CNTN6: variants seen among roughly 807,000 people sequenced by gnomAD.
The protein encoded by CNTN6 is contactin 6.
In CNTN6, 137 loss-of-function variants were observed where a neutral mutation model predicts 122.8. That is an observed-to-expected ratio of 1.12 (90% CI 0.97 to 1.29). The LOEUF (loss-of-function observed/expected upper bound fraction) is 1.29. Ranked by LOEUF, CNTN6 falls within the 50% of genes most tolerant of loss-of-function variation. The pLI is 0.00. For synonymous variants in CNTN6, 570 were observed against 426.0 expected (o/e 1.34, Z -4.16); for missense variants, 1,634 against 1,223.4 (o/e 1.34, Z -5.01).
Position 1,398,750 on chromosome 3 carries a change from T to C in CNTN6, c.2705-2683T>C, listed in dbSNP as rs932400414. On this transcript the variant is annotated intron_variant, in intron 20 of 22. Transcript: ENST00000446702. ...GGGAAAATCCGGCTCTTGGAAGAGA[T>C]TGGATACAAATTCAAGTCTCTCTGA... is the stretch of plus-strand genomic sequence containing the variant. 5.9e-5 allele frequency among the ~76,000 whole-genome samples: 9 copies of C among 152,222 alleles called. No individual in the cohort carries two copies. The East Asian group carries it at 1.5e-3, about 26-fold the overall frequency.
intron 5 of CNTN6, 26 bp downstream of exon 5, chr3:1,278,534 T>C (rs1029214092): frequency 6.6e-7 from 1 of 1,503,766 alleles, no homozygotes; most frequent in Non-Finnish European, 9.2e-7. Context: ...TTGGGTCATA[T>C]CATCAATGCG....
At position 1,108,737 on chromosome 3, in the gene CNTN6, C is replaced by T. The variant is rs545735326; in HGVS notation, c.-83+15617C>T. On this transcript the variant is annotated intron_variant, in intron 1 of 22. Coordinates refer to ENST00000446702, the MANE Select transcript of CNTN6 (RefSeq NM_001289080.2). ...ATAAATAACTGATTTTAGACTTACC[C>T]GTTTAAGTTGAAAAGTACTGTATAT... 3.3e-5 allele frequency among the ~76,000 whole-genome samples: 5 copies of T among 151,932 alleles called. No individual in the cohort carries two copies. The South Asian group carries it at 8.3e-4, about 25-fold the overall frequency.
chr3:1,388,927 C>T (rs543468746), intron 20 of CNTN6, among the ~76,000 whole-genome samples: 2,205 of 138,788 alleles, frequency 0.016, 47 homozygotes, highest in African/African-American at 0.055. Flanking sequence ...AAGACCAAAT[C>T]TACGTCTGAT....
chr3:1,296,960 A>G (rs1188223782), intron 6 of CNTN6, among the ~76,000 whole-genome samples: 2 of 152,004 alleles, frequency 1.3e-5, no homozygotes, highest in African/African-American at 4.8e-5. Context: ...AAAATAGAGC[A>G]GAAGTATTAT....
intron 6 of CNTN6, among the ~76,000 whole-genome samples, chr3:1,297,448 C>T (rs1411997432): frequency 6.6e-6 from 1 of 151,994 alleles, no homozygotes; most frequent in East Asian, 1.9e-4. Flanking sequence ...AAAACAAATT[C>T]GTATAGGTAT....
At chr3:1,099,190 G>A (rs981810550) in intron 1 of CNTN6, among the ~76,000 whole-genome samples, 2 of 152,022 alleles carry the variant, frequency 1.3e-5, no homozygotes, top group South Asian at 2.1e-4. Context: ...AGTGGCTCAC[G>A]CCTGTAATCC....
At chr3:1,290,880 T>G (rs1195625305) in intron 5 of CNTN6, among the ~76,000 whole-genome samples, 1 of 152,206 alleles carries the variant, frequency 6.6e-6, no homozygotes, top group Non-Finnish European at 1.5e-5. Flanking sequence ...TTTAGCTGGC[T>G]TCTTTACTGA....
At chr3:1,332,835 G>C (rs1297631519) in intron 11 of CNTN6, among the ~76,000 whole-genome samples, 2 of 151,972 alleles carry the variant, frequency 1.3e-5, no homozygotes, top group African/African-American at 4.8e-5. Flanking sequence ...GAACCATTAC[G>C]TGGTAGCCAA....
chr3:1,388,596 C>G (rs1428779497), intron 20 of CNTN6, among the ~76,000 whole-genome samples: 1 of 149,546 alleles, frequency 6.7e-6, no homozygotes, highest in Non-Finnish European at 1.5e-5. Flanking sequence ...AAGAAGGCTT[C>G]AGACGATCAA....
intron 12 of CNTN6, among the ~76,000 whole-genome samples, chr3:1,370,442 A>G (rs1026165714): frequency 2.6e-5 from 4 of 152,096 alleles, no homozygotes; most frequent in Admixed American, 6.6e-5. Context: ...GGATCCCTGG[A>G]TATCTTTTAC....
chr3:1,143,116 G>A (rs1346519247), intron 1 of CNTN6, among the ~76,000 whole-genome samples: 1 of 151,610 alleles, frequency 6.6e-6, no homozygotes, highest in African/African-American at 2.4e-5. Context: ...ACCACACATT[G>A]CTTGGTGTGT....
At chr3:1,291,403 A>G (rs1308637206) in intron 5 of CNTN6, among the ~76,000 whole-genome samples, 1 of 152,198 alleles carries the variant, frequency 6.6e-6, no homozygotes, top group Admixed American at 6.5e-5. Flanking sequence ...TTACAGTCTC[A>G]GGTCCCAAGA....
At chr3:1,400,868 G>C (rs1695600603) in intron 20 of CNTN6, among the ~76,000 whole-genome samples, 1 of 152,070 alleles carries the variant, frequency 6.6e-6, no homozygotes, top group Non-Finnish European at 1.5e-5. Flanking sequence ...CTGTGGCTTT[G>C]TGACATTTTT....
At chr3:1,113,440 A>G (rs753538629) in intron 1 of CNTN6, among the ~76,000 whole-genome samples, 2 of 152,236 alleles carry the variant, frequency 1.3e-5, no homozygotes, top group Non-Finnish European at 2.9e-5. Context: ...ACAAATTATC[A>G]TATGAAAAAT....
intron 11 of CNTN6, among the ~76,000 whole-genome samples, chr3:1,345,170 G>A (rs1393562089): frequency 1.3e-5 from 2 of 149,486 alleles, no homozygotes; most frequent in Non-Finnish European, 3.0e-5. Context: ...AGGCTGTAGT[G>A]CGGTGGCACG....
In CNTN6 at chr3:1,342,391, G is replaced by A. The variant is rs1466629669; in HGVS notation, c.1365-9933G>A. Among the ~76,000 whole-genome samples, 4 of 152,104 alleles carry A rather than the reference G, an allele frequency of 2.6e-5. No homozygotes were observed. In the South Asian group the frequency reaches 6.2e-4, roughly 24 times the overall value. The stretch of plus-strand genomic sequence containing the variant: ...TATCTGCCCACCTCAGCCTCCCAAA[G>A]CGTTGGGATTAAAGGTGTGAGCCAC... On this transcript the variant is annotated intron_variant, in intron 11 of 22. Coordinates refer to ENST00000446702, the MANE Select transcript of CNTN6 (RefSeq NM_001289080.2).
At chr3:1,234,596 T>C (rs2094398067) in intron 4 of CNTN6, among the ~76,000 whole-genome samples, 1 of 152,130 alleles carries the variant, frequency 6.6e-6, no homozygotes, top group African/African-American at 2.4e-5. Flanking sequence ...CTTTTGGAAA[T>C]TGTAAAGTCT....
chr3:1,110,939 T>C (rs972970449), intron 1 of CNTN6, among the ~76,000 whole-genome samples: 12 of 152,190 alleles, frequency 7.9e-5, no homozygotes, highest in African/African-American at 2.9e-4. Flanking sequence ...CACACCTGGA[T>C]TTGAATACTT....
intron 5 of CNTN6, among the ~76,000 whole-genome samples, chr3:1,290,970 A>C (rs1695222416): frequency 6.6e-6 from 1 of 152,082 alleles, no homozygotes; most frequent in South Asian, 2.1e-4. Context: ...AAATGCCTTA[A>C]CTTTCTGCAA....
Sources: gnomAD v4.1 joint callset for allele counts (sites outside exome capture counted in the v4.1 genomes callset) on GRCh38, gnomAD v4.1.1 for gene constraint, MANE v1.5 for transcripts, NCBI Gene and HGNC (gene_info 2026-07-23, HGNC 2026-07-21) for gene names.